The following CCDC178 variants were observed in gnomAD, a reference collection of about 807,000 sequenced individuals.
The protein encoded by CCDC178 is coiled-coil domain containing 178.
A neutral mutation model predicts 117.4 loss-of-function variants in CCDC178; 126 were observed. The ratio of observed to expected loss-of-function variants is 1.07; its 90% confidence interval spans 0.93 to 1.24. CCDC178 has a LOEUF of 1.24. Ranked by LOEUF, CCDC178 falls within the 50% of genes most tolerant of loss-of-function variation. The probability of loss-of-function intolerance (pLI) is 0.00; values close to 1 mark genes in which losing one functional copy is unlikely to be tolerated. For missense variants in CCDC178, 1,030 were observed against 986.9 expected, an observed-to-expected ratio of 1.04 and a Z score of -0.59; for synonymous variants, 283 against 313.4, an observed-to-expected ratio of 0.90 and a Z score of 1.02.
intron 11 of CCDC178, among the ~76,000 whole-genome samples, chr18:33,305,444 T>C (rs1401476725): frequency 3.9e-5 from 6 of 152,118 alleles, no homozygotes; most frequent in East Asian, 1.9e-4. Context: ...CTGTACTCAG[T>C]AGAGGTCCCT....
rs377490255 is a variant in CCDC178 at position 33,078,222 on chromosome 18, A to G, written c.2388+14539T>C. On this transcript the variant is annotated intron_variant, in intron 21 of 22. Transcript: ENST00000383096. ...TAGATGCAGTAAAGGCTCTCAATAA[A>G]ATTCAACATTGTTTCATATTAAAAA... Among the ~76,000 whole-genome samples, 110 of 152,286 alleles carry G rather than the reference A, an allele frequency of 7.2e-4. No homozygotes were observed. In the Middle Eastern group the frequency reaches 0.017, roughly 24 times the overall value.
chr18:33,323,252 T>C (rs1385525168), intron 11 of CCDC178: 1 of 241,160 alleles, frequency 4.1e-6, no homozygotes, highest in Non-Finnish European at 7.8e-6. Flanking sequence ...GCAATATATA[T>C]GAAGAGCTTT....
Position 32,937,844 on chromosome 18 carries a change from G to T in CCDC178, c.*167C>A. The T allele has an allele frequency of 1.7e-6, 1 of 601,368 alleles. No homozygotes were observed. Among genetic ancestry groups the T allele is most frequent in the Non-Finnish European group, 3.0e-6 (1 of 333,020 alleles). The allele number at this position is 601,368 out of a possible 1,614,324, so 37.3% of individuals were successfully genotyped here. ...GAAAGTCACCTGTTTCATTGTTATG[G>T]ATTTGCTGTGAGTAAAAGAGTGGCA... On this transcript the variant is annotated 3_prime_UTR_variant, in exon 23 of 23. Transcript: ENST00000383096.
At chr18:33,389,969 T>A (rs972602127) in intron 4 of CCDC178, among the ~76,000 whole-genome samples, 5 of 150,004 alleles carry the variant, frequency 3.3e-5, no homozygotes, top group African/African-American at 9.7e-5. Flanking sequence ...CATCATTTTT[T>A]AAAAAATGAT....
chr18:33,069,942 T>C (rs138155862), intron 21 of CCDC178, among the ~76,000 whole-genome samples: 1 of 151,970 alleles, frequency 6.6e-6, no homozygotes, highest in Non-Finnish European at 1.5e-5. Flanking sequence ...CATTACTAAT[T>C]ATTAGAGAAG....
chr18:33,428,657 A>G (rs1340010198), intron 2 of CCDC178, among the ~76,000 whole-genome samples: 1 of 146,428 alleles, frequency 6.8e-6, no homozygotes, highest in African/African-American at 2.5e-5. Context: ...GCTTGAACCC[A>G]GGAGATGGAG....
intron 12 of CCDC178, among the ~76,000 whole-genome samples, chr18:33,283,632 A>C (rs1221135715): frequency 6.6e-6 from 1 of 152,220 alleles, no homozygotes; most frequent in Non-Finnish European, 1.5e-5. Context: ...AAAAGCTTAC[A>C]TGTGTCTAAG....
At chr18:33,088,100 T>C (rs1011311378) in intron 21 of CCDC178, among the ~76,000 whole-genome samples, 9 of 152,112 alleles carry the variant, frequency 5.9e-5, no homozygotes, top group East Asian at 1.9e-4. Context: ...TTCTACATTA[T>C]AGTCTAGGAA....
At chr18:33,431,790 G>A (rs1017638746) in intron 2 of CCDC178, among the ~76,000 whole-genome samples, 4 of 152,146 alleles carry the variant, frequency 2.6e-5, no homozygotes, top group African/African-American at 7.2e-5. Context: ...ATTCAGTCCC[G>A]CAGCTGGTCT....
Position 32,974,666 on chromosome 18 carries a change from T to C in CCDC178, c.2404A>G (p.Arg802Gly), listed in dbSNP as rs1598745719. Reference sequence around the variant, plus strand: ...TCCTGCCACAGTGTGTGCATCCTTCTCTGCAGCTGACAGAGCTAAAGGGAA... The same window carrying C: ...TCCTGCCACAGTGTGTGCATCCTTCCCTGCAGCTGACAGAGCTAAAGGGAA... Reference protein sequence around the residue: ...RDKKQLCQLQRRMHTLWQEHF... With the variant: ...RDKKQLCQLQGRMHTLWQEHF... Residue 802 changes from arginine to glycine, a missense_variant, in exon 22 of 23, where the codon AGA becomes GGA. Transcript: ENST00000383096. 1 of 1,613,190 alleles carries C rather than the reference T, an allele frequency of 6.2e-7. No homozygotes were observed. The highest frequency in any genetic ancestry group is 8.5e-7 in the Non-Finnish European group (1 of 1,179,758).
chr18:33,237,772 GAAAAAAACAAAA>G (rs2059442764), intron 15 of CCDC178, among the ~76,000 whole-genome samples: 2 of 144,582 alleles, frequency 1.4e-5, no homozygotes, highest in East Asian at 4.0e-4. Flanking sequence ...TCCCAAGACT[GAAAAAAACAAAA>G]AAAAAAACAT....
chr18:32,970,562 T>C (rs546949605), intron 22 of CCDC178, among the ~76,000 whole-genome samples: 47 of 152,160 alleles, frequency 3.1e-4, no homozygotes, highest in African/African-American at 1.1e-3. Context: ...TGGTCTGTTA[T>C]GCAATTTTTA....
At chr18:33,246,559 A>G (rs2059551260) in intron 14 of CCDC178, among the ~76,000 whole-genome samples, 1 of 151,766 alleles carries the variant, frequency 6.6e-6, no homozygotes, top group African/African-American at 2.4e-5. Flanking sequence ...AGAAATAAGA[A>G]TAAACATACA....
chr18:32,968,063 C>T (rs747658793), intron 22 of CCDC178, among the ~76,000 whole-genome samples: 29 of 151,572 alleles, frequency 1.9e-4, no homozygotes, highest in Non-Finnish European at 3.7e-4. Flanking sequence ...CTGTAGTTAC[C>T]CTATCGTGCA....
chr18:33,370,965 G>A (rs2063289190), intron 5 of CCDC178, among the ~76,000 whole-genome samples: 1 of 151,978 alleles, frequency 6.6e-6, no homozygotes, highest in African/African-American at 2.4e-5. Context: ...GATTATAGTT[G>A]CAATCACTGA....
At chr18:33,318,990 G>A (rs967615225) in intron 11 of CCDC178, among the ~76,000 whole-genome samples, 3 of 151,838 alleles carry the variant, frequency 2.0e-5, no homozygotes, top group Non-Finnish European at 4.4e-5. Context: ...TTTGCTAAAG[G>A]TTATGCTAAA....
chr18:33,144,069 G>T (rs1363055768), intron 20 of CCDC178, among the ~76,000 whole-genome samples: 5 of 151,966 alleles, frequency 3.3e-5, no homozygotes, highest in Non-Finnish European at 7.4e-5. Flanking sequence ...ATATTTTGTA[G>T]ATGATATTCT....
intron 18 of CCDC178, among the ~76,000 whole-genome samples, chr18:33,220,717 T>C (rs1009175029): frequency 1.2e-4 from 19 of 152,082 alleles, no homozygotes; most frequent in Non-Finnish European, 1.6e-4. Context: ...ATAAATGACG[T>C]TGATAATAAT....
Position 33,240,840 on chromosome 18 carries a change from C to T in CCDC178, c.1593+4405G>A, listed in dbSNP as rs577598895. Among the ~76,000 whole-genome samples, 12 of 151,872 alleles carry T rather than the reference C, an allele frequency of 7.9e-5. No individual in the cohort carries two copies. The South Asian group carries it at 2.5e-3, about 32-fold the overall frequency. Reference sequence around the variant, plus strand: ...AAAATTAAGGCAGAGAAAATTCTTCCTAGGTCATTCTATGAGGCCAGCATA... The same window carrying T: ...AAAATTAAGGCAGAGAAAATTCTTCTTAGGTCATTCTATGAGGCCAGCATA... On this transcript the variant is annotated intron_variant, in intron 15 of 22. Transcript: ENST00000383096.
Sources: gnomAD v4.1 joint callset for allele counts (sites outside exome capture counted in the v4.1 genomes callset) on GRCh38, gnomAD v4.1.1 for gene constraint, MANE v1.5 for transcripts, NCBI Gene and HGNC (gene_info 2026-07-23, HGNC 2026-07-21) for gene names.